The following DOCK9 variants were observed in gnomAD, a reference collection of about 807,000 sequenced individuals.
The protein encoded by DOCK9 is dedicator of cytokinesis protein 9.
Under a neutral mutation model 263.3 loss-of-function variants are expected in DOCK9, and 89 were observed. The observed-to-expected ratio is 0.34, with a 90% CI of 0.28 to 0.40. DOCK9 has a LOEUF of 0.40. DOCK9 is among the 10% of genes least tolerant of loss of function. DOCK9 has a pLI of 1.00. For missense variants in DOCK9, 2,140 were observed against 2,603.4 expected (o/e 0.82, Z 3.87); for synonymous variants, 976 against 973.1 (o/e 1.00, Z -0.06).
chr13:98,878,344 T>C lies in DOCK9; in HGVS notation c.2943+1554A>G, dbSNP rs952315657. ...GAAAAAATGTATAATTTACCATCTT[T>C]ACCAGTTTTAAGTGTACAGTTCAGT... On this transcript the variant is annotated intron_variant, in intron 27 of 52. Coordinates refer to ENST00000682017, the MANE Select transcript of DOCK9 (RefSeq NM_001366683.2). Among the ~76,000 whole-genome samples the C allele has an allele frequency of 2.0e-5, 3 of 152,250 alleles. No homozygotes were observed. In the East Asian group the frequency reaches 5.8e-4, roughly 29 times the overall value.
rs558144515 is a variant in DOCK9, at chr13:98,862,876, C to T, written c.3579+143G>A. On this transcript the variant is annotated intron_variant, in intron 32 of 52. Transcript: ENST00000682017. ...GAGCCTCCAGTAGGAACCAACCCCA[C>T]TGACACCTTGATTTTGGACTTCTGG... 5 of 686,936 alleles carry T rather than the reference C, an allele frequency of 7.3e-6. No homozygotes were observed. In the South Asian group the frequency reaches 9.4e-5, roughly 13 times the overall value. The allele number at this position is 686,936 out of a possible 1,614,324, so 42.6% of individuals were successfully genotyped here.
At chr13:99,023,605 A>C (rs937866050) in intron 1 of DOCK9, among the ~76,000 whole-genome samples, 1 of 152,250 alleles carries the variant, frequency 6.6e-6, no homozygotes, top group African/African-American at 2.4e-5. Context: ...TGATGTGTAC[A>C]CTTAAAAATA....
chr13:98,867,625 T>C (rs2094067782), intron 29 of DOCK9, 89 bp from the exon 30 acceptor site: 8 of 867,944 alleles, frequency 9.2e-6, no homozygotes, highest in Non-Finnish European at 1.9e-6. Context: ...ATGCTAGAAA[T>C]AGTCATTAGC....
intron 35 of DOCK9, 48 bp downstream of exon 35, chr13:98,853,360 A>T: frequency 1.6e-6 from 2 of 1,285,160 alleles, no homozygotes; most frequent in South Asian, 1.3e-5. Flanking sequence ...AACCAAACAA[A>T]CCAAGTGCTG....
Position 98,810,206 on chromosome 13 carries a change from A to C in DOCK9, c.5216T>G (p.Leu1739Arg), listed in dbSNP as rs761956183. The change falls in exon 46 of 53, where the codon CTT (leucine) becomes CGT (arginine). Residue 1739 changes from leucine to arginine, a missense_variant. Transcript: ENST00000682017. ...RYELIADIYKLIIPIYEKRRD... is the reference protein window; with the variant it reads ...RYELIADIYKRIIPIYEKRRD... ...CCGCTTCTCATAAATGGGGATGATA[A>C]GTTTGTAGATGTCGGCGATGAGCTC... 2 of 1,613,946 alleles carry C rather than the reference A, an allele frequency of 1.2e-6. No homozygotes were observed.
chr13:98,848,475 C>G, intron 37 of DOCK9, 117 bp downstream of exon 37: 4 of 1,047,224 alleles, frequency 3.8e-6, no homozygotes, highest in Non-Finnish European at 5.7e-6. Flanking sequence ...TGCCATCAGT[C>G]CCCATGGCCG....
intron 1 of DOCK9, among the ~76,000 whole-genome samples, chr13:99,075,620 C>T (rs891623117): frequency 6.6e-6 from 1 of 151,938 alleles, no homozygotes; most frequent in Non-Finnish European, 1.5e-5. Context: ...CCACCTCAGC[C>T]TCCCAAAGTG....
intron 2 of DOCK9, 102 bp downstream of exon 2, chr13:98,955,328 AATAAT>A: frequency 1.3e-6 from 1 of 746,288 alleles, no homozygotes; most frequent in East Asian, 3.0e-5. Flanking sequence ...CAAAAAAAAT[AATAAT>A]AATAATAATT....
intron 6 of DOCK9, 103 bp downstream of exon 6, chr13:98,921,948 T>C: frequency 2.0e-6 from 2 of 1,005,830 alleles, no homozygotes; most frequent in South Asian, 3.2e-5. Context: ...AATGTCCCTT[T>C]TGTGGGGAAG....
intron 1 of DOCK9, among the ~76,000 whole-genome samples, chr13:98,996,290 C>T (rs1226503414): frequency 6.6e-6 from 1 of 152,328 alleles, no homozygotes; most frequent in South Asian, 2.1e-4. Context: ...TTCTCACTCA[C>T]AGTGTCCACG....
In DOCK9 at chr13:98,853,366, T is replaced by A. The variant is rs183809328; in HGVS notation, c.3946+42A>T. 5,836 of 1,338,200 alleles carry A rather than the reference T, an allele frequency of 4.4e-3. 40 individuals carry two copies. The highest frequency in any genetic ancestry group is 6.0e-3 in the Middle Eastern group (33 of 5,484). 82.9% of individuals were successfully genotyped at this position (1,338,200 alleles called of 1,614,324 possible). On this transcript the variant is annotated intron_variant, in intron 35 of 52. Transcript: ENST00000682017. ...ACAAGTTAAAACCAAACAAACCAAG[T>A]GCTGAAACGAGCAAAACAGAAATCT...
At chr13:99,074,577 G>A (rs1395746148) in intron 1 of DOCK9, among the ~76,000 whole-genome samples, 1 of 152,176 alleles carries the variant, frequency 6.6e-6, no homozygotes, top group Non-Finnish European at 1.5e-5. Context: ...TTTGGTTCCT[G>A]ACTAGCTGCC....
upstream of DOCK9, among the ~76,000 whole-genome samples, chr13:99,087,135 G>A (rs897502525): frequency 2.6e-5 from 4 of 152,132 alleles, no homozygotes; most frequent in Non-Finnish European, 4.4e-5. Flanking sequence ...ACCCGCGGCC[G>A]GCCAGGCGGA....
chr13:98,888,801 C>T, intron 15 of DOCK9, 90 bp from the exon 16 acceptor site: 2 of 1,113,716 alleles, frequency 1.8e-6, no homozygotes, highest in East Asian at 2.5e-5. Context: ...AAATATAAAG[C>T]AAGCCATAAA....
At chr13:99,014,280 C>T (rs1275432045) in intron 1 of DOCK9, among the ~76,000 whole-genome samples, 1 of 151,838 alleles carries the variant, frequency 6.6e-6, no homozygotes, top group South Asian at 2.1e-4. Context: ...CTACAAGGAG[C>T]TAGTCCTTCT....
intron 9 of DOCK9, among the ~76,000 whole-genome samples, chr13:98,909,886 T>C (rs1404430807): frequency 2.0e-5 from 3 of 152,188 alleles, no homozygotes; most frequent in African/African-American, 4.8e-5. Context: ...GACATCATAC[T>C]TTCCCCTGCA....
chr13:98,989,723 C>T (rs9517529), intron 1 of DOCK9, among the ~76,000 whole-genome samples: 22,527 of 152,074 alleles, frequency 0.15, 2,403 homozygotes, highest in East Asian at 0.43. Context: ...CACACCTTAG[C>T]CTTATTCCAA....
upstream of DOCK9, among the ~76,000 whole-genome samples, chr13:99,086,799 G>A (rs1262897221): frequency 6.7e-6 from 1 of 149,776 alleles, no homozygotes; most frequent in Non-Finnish European, 1.5e-5. Context: ...GCTGGAGCTA[G>A]GCGGCCGGAC....
chr13:98,878,781 C>A (rs540994224), intron 27 of DOCK9, among the ~76,000 whole-genome samples: 5 of 152,292 alleles, frequency 3.3e-5, no homozygotes, highest in South Asian at 2.1e-4. Context: ...GTCTGCTTTA[C>A]GGGAGGAAAA....
Sources: gnomAD v4.1 joint callset for allele counts (sites outside exome capture counted in the v4.1 genomes callset) on GRCh38, gnomAD v4.1.1 for gene constraint, MANE v1.5 for transcripts, NCBI Gene and HGNC (gene_info 2026-07-23, HGNC 2026-07-21) for gene names.